MAML1: variants seen among roughly 807,000 people sequenced by gnomAD.
MAML1 encodes mastermind like transcriptional coactivator 1.
Under a neutral mutation model 77.1 loss-of-function variants are expected in MAML1, and 14 were observed. The ratio of observed to expected loss-of-function variants is 0.18; its 90% confidence interval spans 0.12 to 0.28. MAML1 has a LOEUF of 0.28. MAML1 is among the 10% of genes least tolerant of loss of function. The pLI, the probability that MAML1 is intolerant of heterozygous loss-of-function variation, is 1.00. For missense variants in MAML1, 1,217 were observed against 1,327.8 expected, an observed-to-expected ratio of 0.92 and a Z score of 1.30; for synonymous variants, 516 against 551.9, an observed-to-expected ratio of 0.93 and a Z score of 0.91.
intron 1 of MAML1, among the ~76,000 whole-genome samples, chr5:179,740,895 C>T (rs1581923808): frequency 6.6e-6 from 1 of 152,168 alleles, no homozygotes; most frequent in Non-Finnish European, 1.5e-5. Context: ...AACTATATCC[C>T]TGGCCATTTT....
chr5:179,774,923 T>C lies in MAML1; in HGVS notation c.*46T>C, dbSNP rs1158994167. 1.3e-6 allele frequency: 2 copies of C among 1,528,528 alleles called. No individual in the cohort carries two copies. Among genetic ancestry groups the C allele is most frequent in the Non-Finnish European group, 1.8e-6 (2 of 1,139,830 alleles). The allele number at this position is 1,528,528 out of a possible 1,614,324, so 94.7% of individuals were successfully genotyped here. ...TTAGTGTTCATTCATCCTATATTTTTATTCTCAGATTCAAAGAAAGAGCAA... is the reference window on the plus strand; with the variant it reads ...TTAGTGTTCATTCATCCTATATTTTCATTCTCAGATTCAAAGAAAGAGCAA... On this transcript the variant is annotated 3_prime_UTR_variant, in exon 5 of 5. Transcript: ENST00000292599.
chr5:179,760,263 T>TA (rs1287793794), intron 1 of MAML1, among the ~76,000 whole-genome samples: 1 of 151,988 alleles, frequency 6.6e-6, no homozygotes, highest in Non-Finnish European at 1.5e-5. Context: ...GGTTAGGCCC[T>TA]GACACTAGAT....
At position 179,733,326 on chromosome 5, in the gene MAML1, G is replaced by T; in HGVS notation, c.214G>T (p.Gly72Trp). Reference protein sequence around the residue: ...RCIQAKAKRAGKHRQPPAATA... With the variant: ...RCIQAKAKRAWKHRQPPAATA... ...CATCCAGGCCAAGGCCAAGCGCGCC[G>T]GGAAGCACAGGCAGCCGCCCGCCGC... The change falls in exon 1 of 5, where the codon GGG becomes TGG. Residue 72 changes from glycine (G) to tryptophan (W), a missense_variant. Coordinates refer to ENST00000292599, the MANE Select transcript of MAML1 (RefSeq NM_014757.5). 7.3e-7 allele frequency: 1 copy of T among 1,370,868 alleles called. No individual in the cohort carries two copies. Among genetic ancestry groups the T allele is most frequent in the Admixed American group, 2.7e-5 (1 of 37,444 alleles). The allele number at this position is 1,370,868 out of a possible 1,614,324, so 84.9% of individuals were successfully genotyped here.
At chr5:179,764,945 C>T (rs77846921) in intron 1 of MAML1, among the ~76,000 whole-genome samples, 2,297 of 151,682 alleles carry the variant, frequency 0.015, 56 homozygotes, top group African/African-American at 0.05. Flanking sequence ...CCCAGCCTGG[C>T]GGCAGAGCAA....
At chr5:179,760,264 G>A (rs1327359468) in intron 1 of MAML1, among the ~76,000 whole-genome samples, 1 of 152,064 alleles carries the variant, frequency 6.6e-6, no homozygotes, top group Non-Finnish European at 1.5e-5. Flanking sequence ...GTTAGGCCCT[G>A]ACACTAGATG....
chr5:179,732,854 C>G lies in MAML1; in HGVS notation c.-259C>G, dbSNP rs550217284. On this transcript the variant is annotated 5_prime_UTR_variant, in exon 1 of 5. Transcript: ENST00000292599. Reference sequence around the variant, plus strand: ...CCGAAAACAATTTTAAGATGGCGGCCGCGGCGGTAGCGCGGAAAACAATGG... The same window carrying G: ...CCGAAAACAATTTTAAGATGGCGGCGGCGGCGGTAGCGCGGAAAACAATGG... 7 of 237,436 alleles carry G rather than the reference C, an allele frequency of 2.9e-5. No individual in the cohort carries two copies. The highest frequency in any genetic ancestry group is 4.8e-5 in the Non-Finnish European group (6 of 124,216). 14.7% of individuals were successfully genotyped at this position (237,436 alleles called of 1,614,324 possible).
In MAML1 at chr5:179,766,523, A is replaced by G. The variant is rs981857484; in HGVS notation, c.1513A>G (p.Asn505Asp). ...PSNLNQNSANNQGSVLDYGNT... is the reference protein window; with the variant it reads ...PSNLNQNSANDQGSVLDYGNT... Reference sequence around the variant, plus strand: ...TAACTTGAATCAGAACTCCGCGAATAACCAGGGGTCTGTGCTGGACTACGG... The same window carrying G: ...TAACTTGAATCAGAACTCCGCGAATGACCAGGGGTCTGTGCTGGACTACGG... Residue 505 changes from asparagine to aspartate, a missense_variant, in exon 2 of 5, where the codon AAC (asparagine) becomes GAC (aspartate). Around this residue, in one of 3 missense-constraint regions of MAML1, gnomAD observed 884 missense variants for 949.3 expected, o/e 0.93. Coordinates refer to ENST00000292599, the MANE Select transcript of MAML1 (RefSeq NM_014757.5). This position sits in a 1 kb window ranked among gnomAD's most constrained non-coding sequence, Gnocchi z 4.0. 6.2e-7 allele frequency: 1 copy of G among 1,602,484 alleles called. No individual in the cohort carries two copies. The highest frequency in any genetic ancestry group is 1.1e-5 in the South Asian group (1 of 89,798).
intron 4 of MAML1, among the ~76,000 whole-genome samples, chr5:179,772,772 A>G (rs969154631): frequency 6.6e-6 from 1 of 151,640 alleles, no homozygotes; most frequent in African/African-American, 2.4e-5. Flanking sequence ...ACAGTTCTGC[A>G]CCTCCACCCC....
intron 1 of MAML1, among the ~76,000 whole-genome samples, chr5:179,764,923 C>T (rs1029837001): frequency 7.9e-5 from 12 of 152,158 alleles, no homozygotes; most frequent in Admixed American, 6.6e-4. Context: ...GAGATTGTGC[C>T]ACCGCACTCC....
At chr5:179,768,263 C>T (rs919944716) in intron 2 of MAML1, among the ~76,000 whole-genome samples, 5 of 152,078 alleles carry the variant, frequency 3.3e-5, no homozygotes, top group Admixed American at 6.6e-5. Flanking sequence ...TCGAGACCAG[C>T]GTGACCAACA....
At chr5:179,737,999 C>T (rs1475712610) in intron 1 of MAML1, among the ~76,000 whole-genome samples, 1 of 152,058 alleles carries the variant, frequency 6.6e-6, no homozygotes, top group Non-Finnish European at 1.5e-5. Flanking sequence ...GTGTGAGCCA[C>T]CTTGCCTGGC....
At chr5:179,768,303 C>T (rs528899155) in intron 2 of MAML1, among the ~76,000 whole-genome samples, 1 of 152,114 alleles carries the variant, frequency 6.6e-6, no homozygotes, top group African/African-American at 2.4e-5. Context: ...ACTAAAAATA[C>T]AAAATTAGCC....
At chr5:179,760,988 G>C (rs1256265052) in intron 1 of MAML1, among the ~76,000 whole-genome samples, 1 of 152,132 alleles carries the variant, frequency 6.6e-6, no homozygotes, top group African/African-American at 2.4e-5. Flanking sequence ...CAGCTACTTG[G>C]GAGGCTGAGG....
chr5:179,737,241 C>T (rs1056548856), intron 1 of MAML1, among the ~76,000 whole-genome samples: 8 of 152,074 alleles, frequency 5.3e-5, no homozygotes, highest in South Asian at 2.1e-4. Flanking sequence ...TTAAACTCTA[C>T]GGTGGATGTG....
At chr5:179,748,002 G>A (rs1779414488) in intron 1 of MAML1, among the ~76,000 whole-genome samples, 1 of 152,026 alleles carries the variant, frequency 6.6e-6, no homozygotes, top group Admixed American at 6.6e-5. Context: ...GGAAGAGATA[G>A]GGGAGTTGTT....
At chr5:179,762,468 G>T (rs1779741788) in intron 1 of MAML1, among the ~76,000 whole-genome samples, 1 of 152,108 alleles carries the variant, frequency 6.6e-6, no homozygotes, top group Non-Finnish European at 1.5e-5. Context: ...AGCACACGTG[G>T]TTCTCCAGCC....
At chr5:179,739,857 G>A (rs540063594) in intron 1 of MAML1, among the ~76,000 whole-genome samples, 4 of 152,202 alleles carry the variant, frequency 2.6e-5, no homozygotes, top group South Asian at 4.1e-4. Flanking sequence ...TTGGTGTCCC[G>A]GCGAGGCTGG....
rs1756116639 is a variant in MAML1, at chr5:179,775,441, T to G, written c.*564T>G. On this transcript the variant is annotated 3_prime_UTR_variant, in exon 5 of 5. Coordinates refer to ENST00000292599, the MANE Select transcript of MAML1 (RefSeq NM_014757.5). ...CCTTTTGATTAAGAGCCTTTTTTGT[T>G]TCTGCTCTTTGTCAGCTTTCAGGGG... The G allele has an allele frequency of 2.0e-6, 2 of 985,350 alleles. No homozygotes were observed. Among genetic ancestry groups the G allele is most frequent in the South Asian group, 9.4e-5 (2 of 21,296 alleles). 61.0% of individuals were successfully genotyped at this position (985,350 alleles called of 1,614,324 possible).
At chr5:179,747,808 C>CAAAAA (rs71001044) in intron 1 of MAML1, among the ~76,000 whole-genome samples, 2,100 of 40,652 alleles carry the variant, frequency 0.052, 455 homozygotes, top group African/African-American at 0.063. Flanking sequence ...GACTCCATCT[C>CAAAAA]AAAAAAAAAA....
Sources: gnomAD v4.1 joint callset for allele counts (sites outside exome capture counted in the v4.1 genomes callset) on GRCh38, gnomAD v4.1.1 for gene constraint, gnomAD v4.1.1 regional missense constraint, Gnocchi (gnomAD v3.1) non-coding constraint, MANE v1.5 for transcripts, NCBI Gene and HGNC (gene_info 2026-07-23, HGNC 2026-07-21) for gene names.